GSE1: variants seen among roughly 807,000 people sequenced by gnomAD.
The protein encoded by GSE1 is Gse1 coiled-coil protein.
A neutral mutation model predicts 112.6 loss-of-function variants in GSE1; 32 were observed. That is an observed-to-expected ratio of 0.28 (90% CI 0.21 to 0.38). GSE1 has a LOEUF of 0.38. GSE1 is among the 10% of genes least tolerant of loss of function. GSE1 has a pLI of 1.00. For missense variants in GSE1, 2,348 were observed against 1,699.2 expected (o/e 1.38, Z -6.71); for synonymous variants, 1,115 against 735.6 (o/e 1.52, Z -8.35).
chr16:85,415,921 G>A (rs969230418), intron 2 of GSE1, among the ~76,000 whole-genome samples: 1 of 152,302 alleles, frequency 6.6e-6, no homozygotes, highest in East Asian at 1.9e-4. Flanking sequence ...CGGACCCATC[G>A]AAGGCCGAGC....
In GSE1 at chr16:85,264,766, G is replaced by A. The variant is rs74368645; in HGVS notation, c.2284-92697G>A. On this transcript the variant is annotated intron_variant, in intron 1 of 2. Transcript: ENST00000637419. ...CAGGAAAACGATGTGAAATTGGCCC[G>A]TCCCCTGTGGAGACCCCTGGTGTCA... is the stretch of plus-strand genomic sequence containing the variant. 4.2e-3 allele frequency among the ~76,000 whole-genome samples: 636 copies of A among 152,208 alleles called. 5 individuals carry two copies. Among genetic ancestry groups the A allele is most frequent in the East Asian group, 0.041 (210 of 5,162 alleles).
At chr16:85,300,184 G>A (rs948751983) in intron 1 of GSE1, among the ~76,000 whole-genome samples, 1 of 152,010 alleles carries the variant, frequency 6.6e-6, no homozygotes, top group Non-Finnish European at 1.5e-5. Flanking sequence ...GCTAATTTTT[G>A]CATTTTTAGT....
chr16:85,590,391 A>G (rs1416036174), intron 1 of GSE1, among the ~76,000 whole-genome samples: 1 of 145,618 alleles, frequency 6.9e-6, no homozygotes, highest in Non-Finnish European at 1.5e-5. Flanking sequence ...TTGTGTGAAC[A>G]TGTGTGACAT....
chr16:85,470,202 A>T (rs1385024121), intron 2 of GSE1, among the ~76,000 whole-genome samples: 1 of 152,266 alleles, frequency 6.6e-6, no homozygotes, highest in African/African-American at 2.4e-5. Flanking sequence ...CACGGCACCC[A>T]GAACTTGCTG....
At chr16:85,247,810 G>A (rs746889989) in intron 1 of GSE1, among the ~76,000 whole-genome samples, 1 of 152,234 alleles carries the variant, frequency 6.6e-6, no homozygotes, top group African/African-American at 2.4e-5. Context: ...CAGGGGGCTG[G>A]TCTTTGAGTG....
chr16:85,553,574 A>G (rs1329659537), upstream of GSE1, among the ~76,000 whole-genome samples: 2 of 151,956 alleles, frequency 1.3e-5, no homozygotes, highest in African/African-American at 4.8e-5. Flanking sequence ...TTGGGGACTC[A>G]AAGACGCTCC....
intron 2 of GSE1, among the ~76,000 whole-genome samples, chr16:85,407,832 A>C (rs1158334266): frequency 4.5e-4 from 2 of 4,472 alleles, no homozygotes; most frequent in African/African-American, 1.3e-3. Context: ...TACACTCAGG[A>C]CCCCCCTGGA....
intron 1 of GSE1, among the ~76,000 whole-genome samples, chr16:85,280,076 A>T (rs1169031431): frequency 6.6e-6 from 1 of 152,214 alleles, no homozygotes; most frequent in African/African-American, 2.4e-5. Flanking sequence ...TGTTGGCAAC[A>T]CGCCCAGCGC....
Position 85,272,485 on chromosome 16 carries a change from C to T in GSE1, c.2284-84978C>T, listed in dbSNP as rs186988701. Reference sequence around the variant, plus strand: ...TTTGGTGAGATCTTTCTACATGTCACCCTTCGGCCATAGGTGGCATTCTCC... The same window carrying T: ...TTTGGTGAGATCTTTCTACATGTCATCCTTCGGCCATAGGTGGCATTCTCC... On this transcript the variant is annotated intron_variant, in intron 1 of 2. Coordinates refer to the GSE1 transcript ENST00000637419. 2.0e-3 allele frequency among the ~76,000 whole-genome samples: 298 copies of T among 152,310 alleles called. 1 individual carries two copies. The highest frequency in any genetic ancestry group is 3.4e-3 in the Non-Finnish European group (230 of 68,034).
chr16:85,447,688 G>T (rs1021381407), intron 2 of GSE1, among the ~76,000 whole-genome samples: 1 of 152,218 alleles, frequency 6.6e-6, no homozygotes, highest in Admixed American at 6.5e-5. Flanking sequence ...CGGAGCTTCT[G>T]TAGGATCACC....
chr16:85,219,425 C>T (rs913929972), intron 1 of GSE1, among the ~76,000 whole-genome samples: 38 of 152,200 alleles, frequency 2.5e-4, no homozygotes, highest in Non-Finnish European at 2.5e-4. Context: ...CTTTGGAGCC[C>T]AGGACAGACC....
At chr16:85,446,135 C>G (rs1340000344) in intron 2 of GSE1, among the ~76,000 whole-genome samples, 1 of 152,206 alleles carries the variant, frequency 6.6e-6, no homozygotes, top group Admixed American at 6.5e-5. Flanking sequence ...CCGCCTGGCC[C>G]TGGCATCCCA....
At chr16:85,244,625 G>A (rs968389556) in intron 1 of GSE1, among the ~76,000 whole-genome samples, 3 of 152,194 alleles carry the variant, frequency 2.0e-5, no homozygotes, top group Non-Finnish European at 2.9e-5. Flanking sequence ...TGAGGCAGGA[G>A]GATCGCTTGA....
At chr16:85,479,989 T>C (rs2151868264) in intron 2 of GSE1, among the ~76,000 whole-genome samples, 1 of 152,326 alleles carries the variant, frequency 6.6e-6, no homozygotes, top group African/African-American at 2.4e-5. Flanking sequence ...CCAAGGTGCT[T>C]GAGGCCACAC....
intron 1 of GSE1, among the ~76,000 whole-genome samples, chr16:85,618,216 G>T (rs1158344679): frequency 6.6e-6 from 1 of 152,104 alleles, no homozygotes; most frequent in Non-Finnish European, 1.5e-5. Context: ...CGTGAGGGGG[G>T]TGCGTGCTAA....
At chr16:85,504,667 G>T (rs2051478787) in intron 2 of GSE1, among the ~76,000 whole-genome samples, 1 of 152,186 alleles carries the variant, frequency 6.6e-6, no homozygotes, top group Non-Finnish European at 1.5e-5. Flanking sequence ...GAAAAAAATG[G>T]CAAGTGAGCC....
chr16:85,175,533 G>A (rs796484469), intron 1 of GSE1, among the ~76,000 whole-genome samples: 1 of 152,230 alleles, frequency 6.6e-6, no homozygotes, highest in African/African-American at 2.4e-5. Flanking sequence ...CGCCTGGCTC[G>A]CAGTGGGGTT....
rs528468877 is a variant in GSE1 at position 85,436,703 on chromosome 16, C to T, written c.2464+79060C>T. Among the ~76,000 whole-genome samples the T allele has an allele frequency of 2.6e-4, 39 of 152,338 alleles. No individual in the cohort carries two copies. The South Asian group carries it at 6.6e-3, about 26-fold the overall frequency. On this transcript the variant is annotated intron_variant, in intron 2 of 2. Transcript: ENST00000637419. ...GGCAAGGCCCAAACCCCGAAGGGCC[C>T]GTGGGCGCCTGTCTCCTGCCCGAGG...
chr16:85,195,096 A>C (rs1013526396), intron 1 of GSE1, among the ~76,000 whole-genome samples: 3 of 152,160 alleles, frequency 2.0e-5, no homozygotes, highest in Non-Finnish European at 4.4e-5. Flanking sequence ...ACCTCTGCCT[A>C]CGTGTGAGGG....
Sources: allele counts gnomAD v4.1 joint callset (sites outside exome capture counted in the v4.1 genomes callset), GRCh38; gene constraint gnomAD v4.1.1; transcripts MANE v1.5; gene names NCBI Gene and HGNC (gene_info 2026-07-23, HGNC 2026-07-21).